The following AEN variants were observed in gnomAD, a reference collection of about 807,000 sequenced individuals.
The protein encoded by AEN is apoptosis enhancing nuclease.
In AEN, 21 loss-of-function variants were observed where a neutral mutation model predicts 17.7. The ratio of observed to expected loss-of-function variants is 1.19; its 90% CI spans 0.84 to 1.71. The LOEUF (loss-of-function observed/expected upper bound fraction) is 1.71, where lower values mean the gene tolerates loss of function less well. Among genes scored for constraint, AEN ranks in the 40% most tolerant of loss-of-function variants. The pLI is 0.00. For missense variants in AEN, 462 were observed against 435.9 expected (o/e 1.06, Z -0.53); for synonymous variants, 190 against 173.0 (o/e 1.10, Z -0.77).
chr15:88,610,787 A>G, the AEN span, among the ~76,000 whole-genome samples: 9 of 152,358 alleles, frequency 5.9e-5, no homozygotes, highest in African/African-American at 2.2e-4. Context: ...ATTATCCTTC[A>G]GTTGCTGCAG....
upstream of AEN, among the ~76,000 whole-genome samples, chr15:88,619,706 A>T (rs1272731212): frequency 1.3e-5 from 2 of 151,788 alleles, no homozygotes; most frequent in East Asian, 3.9e-4. Flanking sequence ...AAACAAACAA[A>T]ACAAAAAAAA....
At chr15:88,620,843 T>G (rs1271475382), upstream of AEN, among the ~76,000 whole-genome samples, 2 of 152,184 alleles carry the variant, frequency 1.3e-5, no homozygotes, top group African/African-American at 4.8e-5. Flanking sequence ...GAGTCAAGTG[T>G]TGCAAAAGAA....
chr15:88,629,517 A>G (rs1000640169), intron 3 of AEN, 91 bp downstream of exon 3: 1 of 1,449,576 alleles, frequency 6.9e-7, no homozygotes, highest in East Asian at 2.3e-5. Flanking sequence ...CTGTGTCTCC[A>G]GCCTCCTTGT....
chr15:88,611,790 AG>A, the AEN span: 84 of 460,758 alleles, frequency 1.8e-4, no homozygotes, highest in Non-Finnish European at 2.9e-4. Context: ...TGGCGAGGGG[AG>A]GGGGGTGGTC....
rs1435957450 is a variant in AEN, at chr15:88,630,209, A to G, written c.893A>G (p.Gln298Arg). Reference sequence around the variant, plus strand: ...CCTGACAGCAGCACAGACATGGAACAGTACATGGAGGACCAGTACTGGCCC... The same window carrying G: ...CCTGACAGCAGCACAGACATGGAACGGTACATGGAGGACCAGTACTGGCCC... ...REPDSSTDME[Q>R]YMEDQYWPDD... is the part of the protein sequence containing the mutation. Residue 298 changes from glutamine to arginine, a missense_variant, in exon 4 of 4, where the codon CAG becomes CGG. Gln to Arg is a conservative substitution (Grantham distance 43). Coordinates refer to ENST00000332810, the MANE Select transcript of AEN (RefSeq NM_022767.4). This position sits in a 1 kb window ranked among gnomAD's most constrained non-coding sequence, Gnocchi z 5.1. The G allele has an allele frequency of 9.3e-6, 15 of 1,610,914 alleles. No homozygotes were observed. The highest frequency in any genetic ancestry group is 1.3e-5 in the Non-Finnish European group (15 of 1,178,728).
Position 88,630,384 on chromosome 15 carries a change from G to C in AEN, c.*90G>C. On this transcript the variant is annotated 3_prime_UTR_variant, in exon 4 of 4. Coordinates refer to ENST00000332810, the MANE Select transcript of AEN (RefSeq NM_022767.4). This position sits in a 1 kb window ranked among gnomAD's most constrained non-coding sequence, Gnocchi z 5.1. ...CAGCGGGCACTCCTTCCTGGGCAGGGTGGGGCAGGATGCAGTGAGCCAGCC... is the reference window on the plus strand; with the variant it reads ...CAGCGGGCACTCCTTCCTGGGCAGGCTGGGGCAGGATGCAGTGAGCCAGCC... The C allele has an allele frequency of 1.5e-6, 2 of 1,307,622 alleles. No homozygotes were observed. The highest frequency in any genetic ancestry group is 2.1e-6 in the Non-Finnish European group (2 of 940,472). The allele number at this position is 1,307,622 out of a possible 1,614,324, so 81.0% of individuals were successfully genotyped here.
chr15:88,626,025 G>C lies in AEN; in HGVS notation c.-64-121G>C, dbSNP rs184687074. On this transcript the variant is annotated intron_variant, in intron 1 of 3. Transcript: ENST00000332810. The stretch of plus-strand genomic sequence containing the variant: ...GTCCTCAACTCAATCTGGGAGCCAC[G>C]AGCTACGGTGCAGGGCTCTCGGGCA... The C allele has an allele frequency of 2.1e-3, 1,283 of 612,884 alleles. 25 individuals are homozygous for C. The South Asian group carries it at 0.031, about 15-fold the overall frequency. 38.0% of individuals were successfully genotyped at this position (612,884 alleles called of 1,614,324 possible). A position where few individuals can be genotyped will look rare whatever the true frequency, so the allele number is the denominator to read the frequency against.
At chr15:88,616,278 G>A in the AEN span, among the ~76,000 whole-genome samples, 1 of 152,136 alleles carries the variant, frequency 6.6e-6, no homozygotes, top group Non-Finnish European at 1.5e-5. Flanking sequence ...ATTTTTAGTA[G>A]AGATGGAGTT....
intron 2 of AEN, chr15:88,626,980 A>G (rs2057863154): frequency 3.6e-6 from 2 of 560,860 alleles, no homozygotes; most frequent in Admixed American, 6.4e-5. Context: ...TAGAAAGGCT[A>G]CACCAACTGT....
chr15:88,624,427 A>C (rs1276827267), intron 1 of AEN, among the ~76,000 whole-genome samples: 2 of 152,184 alleles, frequency 1.3e-5, no homozygotes, highest in African/African-American at 4.8e-5. Context: ...GCTAGAGTCT[A>C]ACCTCTCTGG....
rs758372060 is a variant in AEN, at chr15:88,629,267, G to A, written c.582G>A (p.Ala194=). 2.0e-5 allele frequency: 32 copies of A among 1,613,984 alleles called. No individual in the cohort carries two copies. The highest frequency in any genetic ancestry group is 5.3e-5 in the African/African-American group (4 of 74,882). Residue 194 remains alanine (A), a synonymous_variant, in exon 3 of 4, where the codon GCG becomes GCA. Coordinates refer to ENST00000332810, the MANE Select transcript of AEN (RefSeq NM_022767.4). ...LLKGKVVVGH[A]LHNDFQALKY... is the part of the protein sequence containing the mutation. ...AGGGCAAGGTGGTGGTGGGGCACGC[G>A]CTGCACAACGACTTCCAGGCGCTCA...
At chr15:88,608,150 GC>G in the AEN span, 1 of 531,822 alleles carries the variant, frequency 1.9e-6, no homozygotes, top group Non-Finnish European at 3.9e-6. Context: ...GGTGTGTATT[GC>G]CTTGTCAACC....
At chr15:88,619,143 G>A (rs1034593875), upstream of AEN, among the ~76,000 whole-genome samples, 1 of 152,210 alleles carries the variant, frequency 6.6e-6, no homozygotes, top group African/African-American at 2.4e-5. Context: ...CTGACTTGTA[G>A]AAGGATTTCT....
upstream of AEN, among the ~76,000 whole-genome samples, chr15:88,617,966 G>A (rs1425364128): frequency 6.6e-6 from 1 of 152,146 alleles, no homozygotes; most frequent in Admixed American, 6.5e-5. Context: ...AGAACAGGCT[G>A]GCCTCAGGAT....
the AEN span, among the ~76,000 whole-genome samples, chr15:88,608,894 T>G: frequency 1.3e-5 from 2 of 152,260 alleles, no homozygotes; most frequent in African/African-American, 2.4e-5. Flanking sequence ...TTTGTTGCAC[T>G]GGCAATGGGC....
chr15:88,618,286 G>A (rs993820283), upstream of AEN, among the ~76,000 whole-genome samples: 3 of 152,044 alleles, frequency 2.0e-5, no homozygotes, highest in East Asian at 5.8e-4. Context: ...TTTTATCCAA[G>A]CATAATATAT....
chr15:88,606,279 G>C, the AEN span, among the ~76,000 whole-genome samples: 3 of 152,086 alleles, frequency 2.0e-5, no homozygotes, highest in Admixed American at 1.3e-4. Context: ...TGCCTTAATA[G>C]GAGTGAGTGA....
upstream of AEN, chr15:88,621,146 C>G (rs1291634177): frequency 6.6e-6 from 1 of 152,308 alleles, no homozygotes; most frequent in Non-Finnish European, 1.5e-5. Flanking sequence ...TAAAATTTCC[C>G]GCCAGTATGG....
the AEN span, among the ~76,000 whole-genome samples, chr15:88,605,533 C>A: frequency 4.5e-4 from 68 of 152,352 alleles, no homozygotes; most frequent in African/African-American, 1.6e-3. This position sits in a 1 kb window ranked among gnomAD's most constrained non-coding sequence, Gnocchi z 7.6. Flanking sequence ...TACCAGGAGA[C>A]CACTGGGTAA....
Sources: allele counts gnomAD v4.1 joint callset (sites outside exome capture counted in the v4.1 genomes callset), GRCh38; gene constraint gnomAD v4.1.1; non-coding constraint Gnocchi (gnomAD v3.1); transcripts MANE v1.5; gene names NCBI Gene and HGNC (gene_info 2026-07-23, HGNC 2026-07-21).